Variants in NKAIN2 observed in about 807,000 individuals in gnomAD.
NKAIN2 encodes sodium/potassium-transporting ATPase subunit beta-1-interacting protein 2.
Under a neutral mutation model 32.6 loss-of-function variants are expected in NKAIN2, and 14 were observed. That is an observed-to-expected ratio of 0.43 (90% CI 0.28 to 0.67). The LOEUF (loss-of-function observed/expected upper bound fraction) is 0.67, where lower values mean the gene tolerates loss of function less well. Among genes scored for constraint, NKAIN2 ranks in the 30% least tolerant of loss-of-function variants. The probability of loss-of-function intolerance (pLI) is 0.17; values close to 1 mark genes in which losing one functional copy is unlikely to be tolerated. For missense variants in NKAIN2, 198 were observed against 258.3 expected, an observed-to-expected ratio of 0.77 and a Z score of 1.60; for synonymous variants, 80 against 87.2, an observed-to-expected ratio of 0.92 and a Z score of 0.46.
At chr6:123,891,870 C>G (rs181455027) in intron 1 of NKAIN2, among the ~76,000 whole-genome samples, 1 of 152,122 alleles carries the variant, frequency 6.6e-6, no homozygotes, top group East Asian at 1.9e-4. Flanking sequence ...TGAAAATAGC[C>G]TTATTATTGG....
At chr6:124,521,407 TTTC>T (rs1279691615) in intron 3 of NKAIN2, among the ~76,000 whole-genome samples, 1 of 152,206 alleles carries the variant, frequency 6.6e-6, no homozygotes, top group Non-Finnish European at 1.5e-5. Flanking sequence ...TCATATGATT[TTTC>T]TTCTTTAGTC....
chr6:124,414,563 G>A (rs1774374399), intron 3 of NKAIN2, among the ~76,000 whole-genome samples: 1 of 152,104 alleles, frequency 6.6e-6, no homozygotes, highest in East Asian at 1.9e-4. Flanking sequence ...CTGTAAGACT[G>A]TTTATGGGAT....
intron 1 of NKAIN2, among the ~76,000 whole-genome samples, chr6:124,111,398 A>G (rs148053926): frequency 8.5e-4 from 130 of 152,138 alleles, no homozygotes; most frequent in African/African-American, 3.0e-3. Flanking sequence ...TTGAGTGCAT[A>G]TATATGTTTA....
chr6:124,437,589 A>G (rs1308426241), intron 3 of NKAIN2, among the ~76,000 whole-genome samples: 1 of 151,988 alleles, frequency 6.6e-6, no homozygotes, highest in African/African-American at 2.4e-5. Context: ...ATTCAACAAT[A>G]TGGAACAAGA....
chr6:124,029,396 T>TAA (rs77083509), intron 1 of NKAIN2, among the ~76,000 whole-genome samples: 42 of 143,302 alleles, frequency 2.9e-4, no homozygotes, highest in African/African-American at 1.0e-3. Flanking sequence ...TCATTTTATT[T>TAA]AAAAAAAAAA....
At chr6:124,387,902 C>T (rs933608354) in intron 3 of NKAIN2, among the ~76,000 whole-genome samples, 1 of 152,050 alleles carries the variant, frequency 6.6e-6, no homozygotes, top group Non-Finnish European at 1.5e-5. Context: ...CAGCACTGTT[C>T]TATGTGGGTA....
At chr6:124,159,864 A>G (rs1364940559) in intron 1 of NKAIN2, among the ~76,000 whole-genome samples, 1 of 152,184 alleles carries the variant, frequency 6.6e-6, no homozygotes, top group African/African-American at 2.4e-5. Flanking sequence ...TGAAATACAG[A>G]CAGCCATATT....
At chr6:124,111,723 T>A (rs768716995) in intron 1 of NKAIN2, among the ~76,000 whole-genome samples, 4 of 152,074 alleles carry the variant, frequency 2.6e-5, no homozygotes, top group Non-Finnish European at 5.9e-5. Context: ...TTCTTATTAT[T>A]CTTACAGTAC....
chr6:123,868,044 A>G (rs1045336821), intron 1 of NKAIN2, among the ~76,000 whole-genome samples: 6 of 151,734 alleles, frequency 4.0e-5, no homozygotes, highest in East Asian at 3.9e-4. Context: ...AATTTTTTGT[A>G]TTTTTAGTAG....
intron 1 of NKAIN2, among the ~76,000 whole-genome samples, chr6:124,183,020 A>C (rs1789525763): frequency 6.6e-6 from 1 of 152,088 alleles, no homozygotes; most frequent in African/African-American, 2.4e-5. Flanking sequence ...ATGAGGAATT[A>C]ATTATTATTT....
intron 1 of NKAIN2, among the ~76,000 whole-genome samples, chr6:124,166,273 G>A (rs1164698983): frequency 3.3e-5 from 5 of 150,314 alleles, no homozygotes; most frequent in Admixed American, 6.6e-5. Context: ...GCCAGTGATG[G>A]TGAGCATTTT....
rs189471792 is a variant in NKAIN2, at chr6:124,126,560, A to G, written c.55-156445A>G. On this transcript the variant is annotated intron_variant, in intron 1 of 6. Coordinates refer to ENST00000368417, the MANE Select transcript of NKAIN2 (RefSeq NM_001040214.3). ...TGAAAGCCACCTCTTCCAAATGTCA[A>G]TGAGAACCAATCATCCCTACTGGAG... Among the ~76,000 whole-genome samples, 376 of 144,236 alleles carry G rather than the reference A, an allele frequency of 2.6e-3. 1 individual carries two copies. The highest frequency in any genetic ancestry group is 4.7e-3 in the Admixed American group (66 of 14,038). The allele number at this position is 144,236 out of a possible 152,430, so 94.6% of individuals were successfully genotyped here. A position where few individuals can be genotyped will look rare whatever the true frequency, so the allele number is the denominator to read the frequency against.
intron 1 of NKAIN2, among the ~76,000 whole-genome samples, chr6:123,855,899 C>T (rs1367418863): frequency 2.0e-5 from 3 of 152,042 alleles, no homozygotes; most frequent in Non-Finnish European, 2.9e-5. Context: ...TTACTTGTAC[C>T]CTGCAGGGTG....
At chr6:124,255,408 TG>T (rs1793880237) in intron 1 of NKAIN2, among the ~76,000 whole-genome samples, 1 of 152,214 alleles carries the variant, frequency 6.6e-6, no homozygotes, top group African/African-American at 2.4e-5. Flanking sequence ...AGTGTCTACC[TG>T]GGGGTGTGAG....
At chr6:124,343,220 C>T (rs988275529) in intron 2 of NKAIN2, among the ~76,000 whole-genome samples, 1 of 151,994 alleles carries the variant, frequency 6.6e-6, no homozygotes, top group Non-Finnish European at 1.5e-5. Context: ...TTTCTTAATC[C>T]AATCTATCAT....
chr6:124,474,969 A>G (rs1307314061), intron 3 of NKAIN2, among the ~76,000 whole-genome samples: 1 of 149,120 alleles, frequency 6.7e-6, no homozygotes, highest in Non-Finnish European at 1.5e-5. Context: ...TATAACGTAT[A>G]GACACGCATG....
At chr6:124,068,382 G>C (rs1000008638) in intron 1 of NKAIN2, among the ~76,000 whole-genome samples, 1 of 151,790 alleles carries the variant, frequency 6.6e-6, no homozygotes, top group African/African-American at 2.4e-5. Flanking sequence ...CTCTATTTCA[G>C]CCAATGATTA....
intron 3 of NKAIN2, among the ~76,000 whole-genome samples, chr6:124,366,712 G>A (rs544808897): frequency 5.3e-4 from 80 of 152,072 alleles, no homozygotes; most frequent in African/African-American, 1.9e-3. Flanking sequence ...TGAGGTGGGT[G>A]GATCACCTGA....
chr6:124,212,069 A>G (rs1035444034), intron 1 of NKAIN2, among the ~76,000 whole-genome samples: 4 of 152,122 alleles, frequency 2.6e-5, no homozygotes, highest in Non-Finnish European at 5.9e-5. Context: ...TTTTTAATAA[A>G]ATATGAAAAA....
Sources: gnomAD v4.1 joint callset for allele counts (sites outside exome capture counted in the v4.1 genomes callset) on GRCh38, gnomAD v4.1.1 for gene constraint, MANE v1.5 for transcripts, NCBI Gene and HGNC (gene_info 2026-07-23, HGNC 2026-07-21) for gene names.